The following BRWD1 variants were observed in gnomAD, a reference collection of about 807,000 sequenced individuals.
The protein encoded by BRWD1 is bromodomain and WD repeat domain containing 1.
A neutral mutation model predicts 251.2 loss-of-function variants in BRWD1; 82 were observed. The observed-to-expected ratio is 0.33, with a 90% CI of 0.27 to 0.39. The LOEUF (loss-of-function observed/expected upper bound fraction) is 0.39. Among genes scored for constraint, BRWD1 ranks in the 10% least tolerant of loss-of-function variants. The pLI is 1.00. For missense variants in BRWD1, 2,233 were observed against 2,711.6 expected (o/e 0.82, Z 3.92); for synonymous variants, 918 against 902.8 (o/e 1.02, Z -0.30).
At position 39,270,426 on chromosome 21, in the gene BRWD1, A is replaced by G. The variant is rs149748414; in HGVS notation, c.1252T>C (p.Ser418Pro). The G allele has an allele frequency of 1.1e-5, 18 of 1,605,052 alleles. No individual in the cohort carries two copies. The highest frequency in any genetic ancestry group is 2.7e-5 in the African/African-American group (2 of 74,554). Residue 418 changes from serine to proline, a missense_variant, in exon 14 of 41, where the codon TCT (serine) becomes CCT (proline). Physicochemically the swap from Ser to Pro is moderately conservative, Grantham distance 74. Around this residue, in one of 12 missense-constraint regions of BRWD1, gnomAD observed 315 missense variants for 421.8 expected, o/e 0.75. Coordinates refer to ENST00000342449, the MANE Select transcript of BRWD1 (RefSeq NM_033656.4). Reference protein sequence around the residue: ...DMATRISGDLSSEEERFMKPK... With the variant: ...DMATRISGDLPSEEERFMKPK... ...TTCATAAACCTTTCCTCTTCGGAAGATAAGTCCCTAACAAAAAAATACACA... is the reference window on the plus strand; with the variant it reads ...TTCATAAACCTTTCCTCTTCGGAAGGTAAGTCCCTAACAAAAAAATACACA...
At chr21:39,198,664 G>A in intron 40 of BRWD1, 99 bp downstream of exon 40, 1 of 1,059,268 alleles carries the variant, frequency 9.4e-7, no homozygotes, top group Non-Finnish European at 1.3e-6. Flanking sequence ...AGAGAAAAAA[G>A]TTTCAAGGGA....
chr21:39,221,312 T>C lies in BRWD1; in HGVS notation c.3383-2652A>G, dbSNP rs558160124. 2.0e-5 allele frequency among the ~76,000 whole-genome samples: 3 copies of C among 152,178 alleles called. No individual in the cohort carries two copies. In the South Asian group the frequency reaches 6.2e-4, roughly 32 times the overall value. The stretch of plus-strand genomic sequence containing the variant: ...CCAAACGGTAGGCATTCAAGAAATG[T>C]GTATGAAACAAATATGTGATGTAGT... On this transcript the variant is annotated intron_variant, in intron 29 of 40. Transcript: ENST00000342449.
At chr21:39,312,999 C>CGG in intron 3 of BRWD1, 73 bp downstream of exon 3, 2 of 1,130,042 alleles carry the variant, frequency 1.8e-6, no homozygotes, top group Non-Finnish European at 2.2e-6. Context: ...GGGCGGGGGG[C>CGG]GCGGGCGAGC....
At chr21:39,301,892 C>CGG (rs34079499) in intron 4 of BRWD1, among the ~76,000 whole-genome samples, 5 of 127,028 alleles carry the variant, frequency 3.9e-5, no homozygotes, top group Non-Finnish European at 6.1e-5. Flanking sequence ...TTTACTGTGC[C>CGG]GAAAAAAAAA....
At chr21:39,185,395 A>C (rs2031175657), downstream of BRWD1, 1 of 151,480 alleles carries the variant, frequency 6.6e-6, no homozygotes, top group South Asian at 2.1e-4. Flanking sequence ...TAATATACTC[A>C]ATAAATATTA....
chr21:39,308,873 A>T (rs924773220), intron 4 of BRWD1, among the ~76,000 whole-genome samples: 1 of 152,202 alleles, frequency 6.6e-6, no homozygotes, highest in Non-Finnish European at 1.5e-5. Context: ...ATAAAAAGAG[A>T]TTTAAGATAA....
intron 31 of BRWD1, chr21:39,216,962 G>GTTGT (rs1209132299): frequency 7.3e-6 from 1 of 136,606 alleles, no homozygotes; most frequent in African/African-American, 2.7e-5. Flanking sequence ...CCTAGTGTGT[G>GTTGT]TTGTTCCCCT....
intron 4 of BRWD1, 100 bp downstream of exon 4, chr21:39,312,741 A>C: frequency 1.1e-6 from 1 of 895,524 alleles, no homozygotes; most frequent in African/African-American, 1.7e-5. Flanking sequence ...AGTGCGGGTC[A>C]CACTTTGCAC....
At chr21:39,291,724 C>T (rs1174376220) in intron 8 of BRWD1, among the ~76,000 whole-genome samples, 1 of 98,744 alleles carries the variant, frequency 1.0e-5, no homozygotes, top group Admixed American at 1.2e-4. Context: ...CCCAGAGGGG[C>T]TTATCTGCCC....
At chr21:39,290,866 T>C (rs1261658280) in intron 8 of BRWD1, among the ~76,000 whole-genome samples, 1 of 152,156 alleles carries the variant, frequency 6.6e-6, no homozygotes, top group African/African-American at 2.4e-5. Flanking sequence ...GCACGGTGGC[T>C]CAGGCTTATA....
In BRWD1 at chr21:39,313,589, GCGCCGC is replaced by G. The variant is rs75090981; in HGVS notation, c.-104_-99del. On this transcript the variant is annotated 5_prime_UTR_variant, in exon 1 of 41. Coordinates refer to ENST00000342449, the MANE Select transcript of BRWD1 (RefSeq NM_033656.4). ...GCTGGCGTCCCCTCTTCTCAGGCGC[GCGCCGC>G]CGCCGCCGCCGCCGCCGCCATACCG... 2.2e-3 allele frequency: 1,424 copies of G among 647,058 alleles called. 7 individuals carry two copies. The highest frequency in any genetic ancestry group is 6.0e-3 in the South Asian group (115 of 19,146). 40.1% of individuals were successfully genotyped at this position (647,058 alleles called of 1,614,324 possible).
Position 39,270,421 on chromosome 21 carries a change from G to A in BRWD1, c.1257C>T (p.Ser419=), listed in dbSNP as rs7282000. ...TAGGTTTCATAAACCTTTCCTCTTC[G>A]GAAGATAAGTCCCTAACAAAAAAAT... ...MATRISGDLS[S]EEERFMKPKV... is the part of the protein sequence containing the mutation. Residue 419 remains serine (S), a synonymous_variant, in exon 14 of 41, where the codon TCC becomes TCT. Transcript: ENST00000342449. The A allele has an allele frequency of 3.4e-4, 542 of 1,605,294 alleles. 3 individuals are homozygous for A. In the African/African-American group the frequency reaches 6.2e-3, roughly 18 times the overall value.
rs1568850113 is a variant in BRWD1, at chr21:39,194,838, G to A, written c.*1421C>T. On this transcript the variant is annotated 3_prime_UTR_variant, in exon 41 of 41. Transcript: ENST00000342449. ...GCTTCACCTTATCTGCCACTTCAAA[G>A]ATACACAGGAGAAAAGGGTTAATTT... The A allele has an allele frequency of 6.5e-7, 1 of 1,533,774 alleles. No homozygotes were observed. Among genetic ancestry groups the A allele is most frequent in the Admixed American group, 2.0e-5 (1 of 50,912 alleles).
At chr21:39,229,174 A>G (rs1042852102) in intron 26 of BRWD1, 138 bp downstream of exon 26, 22 of 714,988 alleles carry the variant, frequency 3.1e-5, no homozygotes, top group Non-Finnish European at 4.3e-5. Context: ...AGCCATCAGA[A>G]GCTCGAGCCA....
At chr21:39,201,996 C>A (rs780634692) in intron 38 of BRWD1, among the ~76,000 whole-genome samples, 26 of 152,178 alleles carry the variant, frequency 1.7e-4, no homozygotes, top group Admixed American at 3.9e-4. Context: ...GAATTTACTA[C>A]GTCATCAGCT....
chr21:39,253,203 C>G (rs1433553240), intron 19 of BRWD1, among the ~76,000 whole-genome samples: 1 of 146,580 alleles, frequency 6.8e-6, no homozygotes, highest in Non-Finnish European at 1.5e-5. Flanking sequence ...GCAAGAGAAT[C>G]GCTTGAGCCC....
Position 39,190,924 on chromosome 21 carries a change from G to A in BRWD1, c.*5335C>T. The A allele has an allele frequency of 1.0e-6, 1 of 985,134 alleles. No homozygotes were observed. Among genetic ancestry groups the A allele is most frequent in the Non-Finnish European group, 1.2e-6 (1 of 829,840 alleles). 61.0% of individuals were successfully genotyped at this position (985,134 alleles called of 1,614,324 possible). On this transcript the variant is annotated 3_prime_UTR_variant, in exon 41 of 41. Coordinates refer to ENST00000342449, the MANE Select transcript of BRWD1 (RefSeq NM_033656.4). ...AACTCTGAATTTTTGTTCTTATTCTGGAACTACAACTAATCTAGCTCATCA... is the reference window on the plus strand; with the variant it reads ...AACTCTGAATTTTTGTTCTTATTCTAGAACTACAACTAATCTAGCTCATCA...
downstream of BRWD1, chr21:39,185,323 CTT>C (rs1437306058): frequency 1.9e-4 from 11 of 58,124 alleles, no homozygotes; most frequent in East Asian, 2.9e-3. Flanking sequence ...AAAAAAAAAA[CTT>C]TGCATAAAAT....
intron 8 of BRWD1, among the ~76,000 whole-genome samples, chr21:39,288,911 G>A (rs1488932238): frequency 6.6e-6 from 1 of 152,002 alleles, no homozygotes; most frequent in Non-Finnish European, 1.5e-5. Context: ...TATATAAGTC[G>A]ACCCATGCAA....
Sources: gnomAD v4.1 joint callset for allele counts (sites outside exome capture counted in the v4.1 genomes callset) on GRCh38, gnomAD v4.1.1 for gene constraint, gnomAD v4.1.1 regional missense constraint, MANE v1.5 for transcripts, NCBI Gene and HGNC (gene_info 2026-07-23, HGNC 2026-07-21) for gene names.